The following FBLN7 variants were observed in gnomAD, a reference collection of about 807,000 sequenced individuals.
FBLN7 encodes the protein fibulin-7.
A neutral mutation model predicts 44.0 loss-of-function variants in FBLN7; 31 were observed. That is an observed-to-expected ratio of 0.70 (90% CI 0.53 to 0.95). FBLN7 has a LOEUF of 0.95. Ranked by LOEUF, FBLN7 falls within the 40% of genes least tolerant of loss-of-function variation. FBLN7 has a pLI of 0.00. For synonymous variants in FBLN7, 262 were observed against 253.4 expected, an observed-to-expected ratio of 1.03 and a Z score of -0.32; for missense variants, 573 against 618.5, an observed-to-expected ratio of 0.93 and a Z score of 0.78.
chr2:112,219,250 T>G, the FBLN7 span, among the ~76,000 whole-genome samples: 11 of 152,098 alleles, frequency 7.2e-5, no homozygotes, highest in Non-Finnish European at 1.5e-4. Flanking sequence ...TATAGAGCAC[T>G]GGAACACAGT....
intron 5 of FBLN7, 111 bp from the exon 6 acceptor site, chr2:112,182,680 T>A: frequency 1.4e-6 from 2 of 1,391,716 alleles, no homozygotes; most frequent in Non-Finnish European, 1.9e-6. Context: ...GCCCAGCCAC[T>A]TAACTGCAGC....
At chr2:112,234,860 T>C in the FBLN7 span, among the ~76,000 whole-genome samples, 1 of 151,974 alleles carries the variant, frequency 6.6e-6, no homozygotes, top group East Asian at 1.9e-4. Flanking sequence ...AACCGAAGTC[T>C]AAGAACGAAG....
At chr2:112,160,201 A>G (rs1398311680) in intron 2 of FBLN7, among the ~76,000 whole-genome samples, 8 of 152,168 alleles carry the variant, frequency 5.3e-5, no homozygotes, top group Admixed American at 1.3e-4. Context: ...CTTGTTAGCC[A>G]GGATGGTCTC....
At chr2:112,150,948 G>T (rs779359192) in intron 1 of FBLN7, among the ~76,000 whole-genome samples, 5 of 152,142 alleles carry the variant, frequency 3.3e-5, no homozygotes, top group African/African-American at 7.2e-5. Context: ...TGCATTGGAG[G>T]GTGGCCACGA....
At chr2:112,162,979 G>A (rs919559587) in intron 2 of FBLN7, among the ~76,000 whole-genome samples, 126 of 152,326 alleles carry the variant, frequency 8.3e-4, no homozygotes, top group African/African-American at 5.1e-4. Flanking sequence ...GGGAGCAGCC[G>A]AGTCCTGGGA....
At chr2:112,227,626 G>A in the FBLN7 span, among the ~76,000 whole-genome samples, 7 of 152,252 alleles carry the variant, frequency 4.6e-5, no homozygotes, top group Admixed American at 2.6e-4. Context: ...AAATGAATTC[G>A]AAGTCTTGGG....
At chr2:112,201,592 G>T in the FBLN7 span, among the ~76,000 whole-genome samples, 1 of 152,116 alleles carries the variant, frequency 6.6e-6, no homozygotes, top group Non-Finnish European at 1.5e-5. Context: ...AGAACTGCAG[G>T]CAGTCCAGAG....
the FBLN7 span, among the ~76,000 whole-genome samples, chr2:112,208,467 G>A: frequency 6.6e-6 from 1 of 152,126 alleles, no homozygotes; most frequent in African/African-American, 2.4e-5. Flanking sequence ...GACTGGATTT[G>A]GCTTTTGAAG....
the FBLN7 span, chr2:112,216,495 C>T: frequency 1.3e-5 from 2 of 152,192 alleles, no homozygotes; most frequent in Non-Finnish European, 2.9e-5. Context: ...AGAACAAAAA[C>T]ACATCAGCTC....
At chr2:112,216,683 C>CAA in the FBLN7 span, among the ~76,000 whole-genome samples, 16,486 of 120,860 alleles carry the variant, frequency 0.14, 1,171 homozygotes, top group Non-Finnish European at 0.18. Context: ...AGAACTGAAG[C>CAA]AAAAAAAAAA....
chr2:112,175,464 G>A (rs1682692714), intron 3 of FBLN7, among the ~76,000 whole-genome samples: 1 of 152,250 alleles, frequency 6.6e-6, no homozygotes, highest in Non-Finnish European at 1.5e-5. Flanking sequence ...TGCATGCAGA[G>A]CCCCAGGTGG....
intron 1 of FBLN7, among the ~76,000 whole-genome samples, chr2:112,156,252 GC>G (rs1435011527): frequency 3.9e-5 from 6 of 152,316 alleles, no homozygotes; most frequent in East Asian, 1.9e-4. Context: ...AACAAAGGAG[GC>G]AGTCCATTGG....
the FBLN7 span, among the ~76,000 whole-genome samples, chr2:112,197,234 AAC>A: frequency 3.0e-3 from 265 of 89,362 alleles, 1 homozygote; most frequent in East Asian, 0.01. Flanking sequence ...CGTAAGAGAA[AAC>A]ACACACACAC....
chr2:112,233,855 T>C, the FBLN7 span, among the ~76,000 whole-genome samples: 1 of 152,046 alleles, frequency 6.6e-6, no homozygotes, highest in Admixed American at 6.6e-5. Flanking sequence ...GGCGACACAG[T>C]GAGACACCAT....
At chr2:112,183,336 A>G (rs2104606445) in intron 6 of FBLN7, among the ~76,000 whole-genome samples, 1 of 152,224 alleles carries the variant, frequency 6.6e-6, no homozygotes, top group South Asian at 2.1e-4. Flanking sequence ...TCCACCTCTG[A>G]AAGGGGCAGC....
At position 112,141,302 on chromosome 2, in the gene FBLN7, G is replaced by A. The variant is rs1191105147; in HGVS notation, c.75+2572G>A. On this transcript the variant is annotated intron_variant, in intron 1 of 7. Coordinates refer to ENST00000331203, the MANE Select transcript of FBLN7 (RefSeq NM_153214.3). ...CAAGGTCACACAACCAGAAATGAGC[G>A]GAATAAACCCAGTCTCTCTTGTTGG... Among the ~76,000 whole-genome samples, 5 of 152,216 alleles carry A rather than the reference G, an allele frequency of 3.3e-5. No homozygotes were observed. The East Asian group carries it at 5.8e-4, about 18-fold the overall frequency.
In FBLN7 at chr2:112,165,072, G is replaced by A. The variant is rs747336115; in HGVS notation, c.307G>A (p.Val103Ile). 2.5e-6 allele frequency: 4 copies of A among 1,614,198 alleles called. No homozygotes were observed. The highest frequency in any genetic ancestry group is 1.1e-5 in the South Asian group (1 of 91,082). Residue 103 changes from valine to isoleucine, a missense_variant, in exon 3 of 8, where the codon GTC becomes ATC. Transcript: ENST00000331203. The stretch of plus-strand genomic sequence containing the variant: ...AAGCAAGTACTTAGTGGATCACGAA[G>A]TCCATTTTACCTGCAACCCTGGGTT... The part of the protein sequence containing the change: ...FGSKYLVDHE[V>I]HFTCNPGFRL...
intron 1 of FBLN7, chr2:112,152,816 A>T (rs573430729): frequency 6.6e-6 from 1 of 152,262 alleles, no homozygotes; most frequent in South Asian, 2.1e-4. Context: ...ACTGCTCGAC[A>T]GTTCCTTAAA....
chr2:112,153,372 G>A (rs1183287573), intron 1 of FBLN7: 2 of 152,158 alleles, frequency 1.3e-5, no homozygotes, highest in East Asian at 3.8e-4. Flanking sequence ...GTGGGAGACG[G>A]CCCCTCCAAG....
Sources: gnomAD v4.1 joint callset for allele counts (sites outside exome capture counted in the v4.1 genomes callset) on GRCh38, gnomAD v4.1.1 for gene constraint, MANE v1.5 for transcripts, NCBI Gene and HGNC (gene_info 2026-07-23, HGNC 2026-07-21) for gene names.